Variants in SPECC1 observed in about 807,000 individuals in gnomAD.
SPECC1 encodes the protein cytospin-B.
Under a neutral mutation model 104.1 loss-of-function variants are expected in SPECC1, and 62 were observed. That is an observed-to-expected ratio of 0.60 (90% CI 0.49 to 0.74). The LOEUF (loss-of-function observed/expected upper bound fraction) is 0.74, where lower values mean the gene tolerates loss of function less well. Among genes scored for constraint, SPECC1 ranks in the 30% least tolerant of loss-of-function variants. SPECC1 has a pLI of 0.00. For missense variants in SPECC1, 1,306 were observed against 1,310.5 expected (o/e 1.00, Z 0.05); for synonymous variants, 513 against 501.6 (o/e 1.02, Z -0.30).
chr17:20,141,037 A>C (rs1270242263), intron 3 of SPECC1, among the ~76,000 whole-genome samples: 2 of 152,128 alleles, frequency 1.3e-5, no homozygotes, highest in Non-Finnish European at 1.5e-5. Flanking sequence ...TAGGCTGTGC[A>C]TGTCCAAGCC....
chr17:20,250,598 A>G (rs1285725516), intron 9 of SPECC1, among the ~76,000 whole-genome samples: 1 of 152,234 alleles, frequency 6.6e-6, no homozygotes, highest in Non-Finnish European at 1.5e-5. Flanking sequence ...TATAATTTAT[A>G]TCTTTTCCTT....
chr17:20,104,674 C>T (rs771703496), intron 2 of SPECC1, among the ~76,000 whole-genome samples: 5 of 123,866 alleles, frequency 4.0e-5, no homozygotes, highest in Non-Finnish European at 6.3e-5. Context: ...ATCTGGGAGG[C>T]GGAGGTTGCA....
At chr17:20,039,336 G>A (rs1285024535) in intron 1 of SPECC1, among the ~76,000 whole-genome samples, 1 of 152,154 alleles carries the variant, frequency 6.6e-6, no homozygotes, top group African/African-American at 2.4e-5. Flanking sequence ...TCTATCAGTT[G>A]TTAAGAGAGG....
rs191677002 is a variant in SPECC1 at position 20,110,775 on chromosome 17, G to A, written c.283+213G>A. On this transcript the variant is annotated intron_variant, in intron 3 of 14. Transcript: ENST00000395527. ...ACCGATGAGAAGCAAAAGGTAACTG[G>A]GCGTGCTGTGGTTTCTTTGGTCCCT... 3.9e-5 allele frequency among the ~76,000 whole-genome samples: 6 copies of A among 152,226 alleles called. No individual in the cohort carries two copies. The East Asian group carries it at 7.8e-4, about 20-fold the overall frequency.
chr17:20,096,929 G>A (rs2047676029), intron 2 of SPECC1, 131 bp downstream of exon 2: 2 of 1,159,992 alleles, frequency 1.7e-6, no homozygotes, highest in South Asian at 1.5e-5. Flanking sequence ...GGTCGCAGGA[G>A]GACCAGCATG....
chr17:20,157,359 T>C (rs1256909448), intron 3 of SPECC1, among the ~76,000 whole-genome samples: 1 of 152,108 alleles, frequency 6.6e-6, no homozygotes, highest in East Asian at 1.9e-4. Context: ...AAGAAAAATT[T>C]CAGGGGCCAG....
At chr17:20,156,088 G>T in intron 3 of SPECC1, 1 of 1,339,990 alleles carries the variant, frequency 7.5e-7, no homozygotes, top group Non-Finnish European at 9.6e-7. Flanking sequence ...TTTGACTGGA[G>T]CGGACCCGCC....
chr17:20,188,508 C>T (rs1005764670), intron 3 of SPECC1, among the ~76,000 whole-genome samples: 13 of 151,986 alleles, frequency 8.6e-5, no homozygotes, highest in East Asian at 3.9e-4. Context: ...TATTCCTGAC[C>T]TCAGGTGATC....
At chr17:20,287,231 C>T (rs2040981537) in intron 12 of SPECC1, among the ~76,000 whole-genome samples, 1 of 152,078 alleles carries the variant, frequency 6.6e-6, no homozygotes, top group South Asian at 2.1e-4. Flanking sequence ...TCCTGGCTAA[C>T]AAGGTGAAAC....
At position 20,227,630 on chromosome 17, in the gene SPECC1, G is replaced by T; in HGVS notation, c.2071+10G>T. Reference sequence around the variant, plus strand: ...ATCAGTGAGCTAGAAAGTAAGTGGGGTCTGCCAGGCATGGTGGCTCACACC... The same window carrying T: ...ATCAGTGAGCTAGAAAGTAAGTGGGTTCTGCCAGGCATGGTGGCTCACACC... On this transcript the variant is annotated intron_variant, in intron 5 of 14. Coordinates refer to ENST00000395527, the MANE Select transcript of SPECC1 (RefSeq NM_001243439.2). 1 of 1,610,480 alleles carries T rather than the reference G, an allele frequency of 6.2e-7. No individual in the cohort carries two copies. The highest frequency in any genetic ancestry group is 8.5e-7 in the Non-Finnish European group (1 of 1,178,904).
At chr17:20,110,656 G>A (rs371387799) in intron 3 of SPECC1, 94 bp downstream of exon 3, 29 of 1,358,736 alleles carry the variant, frequency 2.1e-5, no homozygotes, top group Admixed American at 6.1e-5. Flanking sequence ...TCCTTCCCTC[G>A]TGAAATATTT....
chr17:20,046,431 A>G (rs1273226786), intron 1 of SPECC1, among the ~76,000 whole-genome samples: 1 of 152,174 alleles, frequency 6.6e-6, no homozygotes, highest in African/African-American at 2.4e-5. Flanking sequence ...CATTGATAAC[A>G]TTGAATACTC....
intron 1 of SPECC1, among the ~76,000 whole-genome samples, chr17:20,087,469 T>C (rs889216844): frequency 6.6e-6 from 1 of 152,162 alleles, no homozygotes; most frequent in African/African-American, 2.4e-5. Flanking sequence ...ATAAGTATTA[T>C]GGGAGAAGGA....
chr17:20,231,219 A>G (rs116946377), intron 5 of SPECC1, among the ~76,000 whole-genome samples: 1 of 152,222 alleles, frequency 6.6e-6, no homozygotes, highest in East Asian at 1.9e-4. Flanking sequence ...TTCTGCCTCC[A>G]GGTGTCTGGA....
At chr17:20,137,673 T>C (rs2152556300) in intron 3 of SPECC1, among the ~76,000 whole-genome samples, 1 of 152,326 alleles carries the variant, frequency 6.6e-6, no homozygotes, top group South Asian at 2.1e-4. Context: ...TTATTTATTA[T>C]TTTGTTTTTT....
chr17:20,300,466 A>ACCC (rs2041535208), intron 13 of SPECC1, among the ~76,000 whole-genome samples: 4 of 152,282 alleles, frequency 2.6e-5, no homozygotes, highest in African/African-American at 9.6e-5. Flanking sequence ...GTGCTGGGTG[A>ACCC]AGCCCACACA....
intron 1 of SPECC1, among the ~76,000 whole-genome samples, chr17:20,037,108 C>A (rs902037831): frequency 1.3e-5 from 2 of 152,046 alleles, no homozygotes; most frequent in Non-Finnish European, 2.9e-5. Context: ...TAGTGGGTTA[C>A]CTTGTTTTCA....
chr17:20,198,222 G>C (rs2036165688), intron 3 of SPECC1, among the ~76,000 whole-genome samples: 1 of 152,168 alleles, frequency 6.6e-6, no homozygotes, highest in African/African-American at 2.4e-5. Flanking sequence ...GCCCCCAAAT[G>C]GGCCCCGTCA....
chr17:20,179,418 C>T (rs1206257410), intron 3 of SPECC1, among the ~76,000 whole-genome samples: 1 of 152,230 alleles, frequency 6.6e-6, no homozygotes, highest in East Asian at 1.9e-4. Context: ...AAGTCTGGGA[C>T]AGGTGTAAAT....
Sources: allele counts gnomAD v4.1 joint callset (sites outside exome capture counted in the v4.1 genomes callset), GRCh38; gene constraint gnomAD v4.1.1; transcripts MANE v1.5; gene names NCBI Gene and HGNC (gene_info 2026-07-23, HGNC 2026-07-21).